CEP83: variants seen among roughly 807,000 people sequenced by gnomAD.
CEP83 encodes centrosomal protein of 83 kDa.
CEP83 carries 70 observed loss-of-function variants against 101.9 expected under a neutral mutation model. The observed-to-expected ratio is 0.69, with a 90% CI of 0.57 to 0.84. The LOEUF (loss-of-function observed/expected upper bound fraction) is 0.84, where lower values mean the gene tolerates loss of function less well. Ranked by LOEUF, CEP83 falls within the 40% of genes least tolerant of loss-of-function variation. CEP83 has a pLI of 0.00. For missense variants in CEP83, 715 were observed against 787.2 expected (o/e 0.91, Z 1.10); for synonymous variants, 264 against 267.9 (o/e 0.99, Z 0.14).
chr12:94,322,193 TTGC>T (rs2058776661), intron 14 of CEP83, among the ~76,000 whole-genome samples: 5 of 152,064 alleles, frequency 3.3e-5, no homozygotes, highest in Admixed American at 3.3e-4. Context: ...TAGCCATGCT[TTGC>T]TAGGGGTCCA....
intron 2 of CEP83, chr12:94,423,872 T>C: frequency 6.2e-7 from 1 of 1,612,360 alleles, no homozygotes; most frequent in Non-Finnish European, 8.5e-7. Flanking sequence ...CTGGGAGATG[T>C]AAGCTCCTTG....
chr12:94,384,759 T>C (rs2062038372), intron 6 of CEP83, among the ~76,000 whole-genome samples: 1 of 152,226 alleles, frequency 6.6e-6, no homozygotes, highest in African/African-American at 2.4e-5. Context: ...ATTCTCTGTT[T>C]CTTTGCTAAG....
chr12:94,451,503 G>A (rs1166821372), intron 1 of CEP83, among the ~76,000 whole-genome samples: 1 of 146,970 alleles, frequency 6.8e-6, no homozygotes, highest in African/African-American at 2.5e-5. Flanking sequence ...TAAAAAATGG[G>A]CAAATGCCTT....
chr12:94,443,244 C>A (rs2066548434), intron 1 of CEP83, among the ~76,000 whole-genome samples: 1 of 152,132 alleles, frequency 6.6e-6, no homozygotes, highest in Admixed American at 6.5e-5. Flanking sequence ...AGTTTACAGA[C>A]CCTCAAACAC....
chr12:94,371,149 A>G (rs781083335), intron 8 of CEP83, among the ~76,000 whole-genome samples: 4 of 152,228 alleles, frequency 2.6e-5, no homozygotes, highest in Non-Finnish European at 5.9e-5. Flanking sequence ...AAGATGTGAA[A>G]TCTGTGGAGG....
At chr12:94,424,193 T>C in intron 2 of CEP83, 2 of 1,608,654 alleles carry the variant, frequency 1.2e-6, no homozygotes, top group East Asian at 2.2e-5. Flanking sequence ...GTAAAACCCA[T>C]TCTGAAGAGC....
intron 11 of CEP83, among the ~76,000 whole-genome samples, chr12:94,342,411 G>A (rs901346163): frequency 1.3e-5 from 2 of 152,106 alleles, no homozygotes; most frequent in Non-Finnish European, 2.9e-5. Context: ...AAAGCAAAGA[G>A]AACAAATAAA....
Position 94,335,519 on chromosome 12 carries a change from A to C in CEP83, c.1419+70T>G, listed in dbSNP as rs985785247. The C allele has an allele frequency of 3.8e-6, 4 of 1,047,084 alleles. No homozygotes were observed. In the Admixed American group the frequency reaches 7.7e-5, roughly 20 times the overall value. 64.9% of individuals were successfully genotyped at this position (1,047,084 alleles called of 1,614,324 possible). Reference sequence around the variant, plus strand: ...AAAATACTGATGGCAAAATTTTTTTAAAATTTGCAAAACATAAATTTAAAG... The same window carrying C: ...AAAATACTGATGGCAAAATTTTTTTCAAATTTGCAAAACATAAATTTAAAG... On this transcript the variant is annotated intron_variant, in intron 12 of 16. Coordinates refer to ENST00000397809, the MANE Select transcript of CEP83 (RefSeq NM_016122.3).
At chr12:94,275,393 G>A in the CEP83 span, among the ~76,000 whole-genome samples, 2 of 152,336 alleles carry the variant, frequency 1.3e-5, no homozygotes, top group Non-Finnish European at 2.9e-5. Context: ...TGTCTCCCCC[G>A]ATGGGGTACA....
At chr12:94,338,743 T>C (rs1006351711) in intron 11 of CEP83, among the ~76,000 whole-genome samples, 2 of 152,202 alleles carry the variant, frequency 1.3e-5, no homozygotes, top group Non-Finnish European at 2.9e-5. Flanking sequence ...AAGTACTTTA[T>C]ACTTTTGAAG....
intron 14 of CEP83, among the ~76,000 whole-genome samples, chr12:94,314,012 A>G (rs1476341801): frequency 6.6e-6 from 1 of 152,250 alleles, no homozygotes; most frequent in East Asian, 1.9e-4. Context: ...ACTTTACAAT[A>G]TACAAAGGGA....
At chr12:94,391,304 G>A (rs901393626) in intron 6 of CEP83, among the ~76,000 whole-genome samples, 3 of 152,208 alleles carry the variant, frequency 2.0e-5, no homozygotes, top group African/African-American at 7.2e-5. Context: ...CAAGCCAGAA[G>A]AGAGAGGGGG....
At chr12:94,424,995 G>A (rs1296741110) in intron 2 of CEP83, 21 of 797,072 alleles carry the variant, frequency 2.6e-5, no homozygotes, top group Non-Finnish European at 3.4e-5. Context: ...GGGAACGAGT[G>A]AGAGAGAGAG....
chr12:94,396,621 C>A (rs1370882372), intron 6 of CEP83, among the ~76,000 whole-genome samples: 1 of 152,164 alleles, frequency 6.6e-6, no homozygotes, highest in East Asian at 1.9e-4. Flanking sequence ...GAGATATGTT[C>A]TTTCACATAT....
chr12:94,275,625 G>A, the CEP83 span, among the ~76,000 whole-genome samples: 10 of 86,388 alleles, frequency 1.2e-4, 1 homozygote, highest in East Asian at 9.8e-4. Context: ...AGGCCGAGGC[G>A]GGCGGATCAC....
the CEP83 span, among the ~76,000 whole-genome samples, chr12:94,295,530 G>A: frequency 3.6e-3 from 552 of 152,232 alleles, 5 homozygotes; most frequent in African/African-American, 0.012. Context: ...GGGCCCTCCA[G>A]TCAGTCAACA....
chr12:94,358,252 C>A (rs1360585795), intron 11 of CEP83, among the ~76,000 whole-genome samples: 7 of 152,072 alleles, frequency 4.6e-5, no homozygotes, highest in Admixed American at 3.3e-4. Flanking sequence ...TTTATTACAA[C>A]AATGGGGAGC....
chr12:94,270,068 G>T, the CEP83 span, among the ~76,000 whole-genome samples: 2 of 152,118 alleles, frequency 1.3e-5, no homozygotes, highest in Admixed American at 6.5e-5. Flanking sequence ...ACTCTATTAT[G>T]TTATTGTTAG....
intron 14 of CEP83, among the ~76,000 whole-genome samples, chr12:94,319,445 T>C (rs1476231349): frequency 6.6e-6 from 1 of 152,192 alleles, no homozygotes; most frequent in Admixed American, 6.5e-5. Context: ...CTTGGTCCTC[T>C]CATTGTTTTA....
Sources: allele counts gnomAD v4.1 joint callset (sites outside exome capture counted in the v4.1 genomes callset), GRCh38; gene constraint gnomAD v4.1.1; transcripts MANE v1.5; gene names NCBI Gene and HGNC (gene_info 2026-07-23, HGNC 2026-07-21).